MSI2: variants seen among roughly 807,000 people sequenced by gnomAD.
MSI2 encodes the protein musashi RNA binding protein 2.
In MSI2, 17 loss-of-function variants were observed where a neutral mutation model predicts 45.6. The ratio of observed to expected loss-of-function variants is 0.37; its 90% confidence interval spans 0.26 to 0.56. The LOEUF (loss-of-function observed/expected upper bound fraction) is 0.56. Among genes scored for constraint, MSI2 ranks in the 20% least tolerant of loss-of-function variants. The pLI is 0.77. For synonymous variants in MSI2, 156 were observed against 158.2 expected, an observed-to-expected ratio of 0.99 and a Z score of 0.11; for missense variants, 293 against 444.2, an observed-to-expected ratio of 0.66 and a Z score of 3.06.
At chr17:57,359,425 CTTCTGTAA>C (rs1916671745) in intron 5 of MSI2, among the ~76,000 whole-genome samples, 1 of 152,174 alleles carries the variant, frequency 6.6e-6, no homozygotes, top group East Asian at 1.9e-4. Context: ...CAGTTACCAA[CTTCTGTAA>C]TTCTGTAATT....
intron 10 of MSI2, chr17:57,631,404 A>G (rs1402546260): frequency 5.8e-6 from 1 of 173,826 alleles, no homozygotes; most frequent in East Asian, 1.6e-4. Flanking sequence ...TGCAGATATC[A>G]CTCTTAGTAG....
intron 9 of MSI2, among the ~76,000 whole-genome samples, chr17:57,624,241 C>A (rs1908583402): frequency 6.6e-6 from 1 of 152,138 alleles, no homozygotes; most frequent in Non-Finnish European, 1.5e-5. Flanking sequence ...ATATTTAAGA[C>A]CCCCAGCTCT....
intron 5 of MSI2, among the ~76,000 whole-genome samples, chr17:57,353,781 C>T (rs1916216597): frequency 6.6e-6 from 1 of 152,132 alleles, no homozygotes. Context: ...AATTTTGGTC[C>T]TGGATGGTGC....
intron 6 of MSI2, among the ~76,000 whole-genome samples, chr17:57,512,590 C>T (rs1484636190): frequency 6.6e-6 from 1 of 152,218 alleles, no homozygotes; most frequent in African/African-American, 2.4e-5. Context: ...TTAGTTAAGA[C>T]TTGGCTGTAA....
At chr17:57,666,918 CA>C (rs1376190307) in intron 11 of MSI2, among the ~76,000 whole-genome samples, 7 of 152,216 alleles carry the variant, frequency 4.6e-5, no homozygotes, top group Non-Finnish European at 1.0e-4. Flanking sequence ...AAGCAAGGGA[CA>C]TTTTCAGGAC....
intron 6 of MSI2, among the ~76,000 whole-genome samples, chr17:57,421,471 T>C (rs1010687303): frequency 6.6e-6 from 1 of 152,152 alleles, no homozygotes; most frequent in Non-Finnish European, 1.5e-5. Context: ...GGCCTGGGAA[T>C]GTAGAACCTT....
intron 6 of MSI2, among the ~76,000 whole-genome samples, chr17:57,511,851 A>G (rs913758433): frequency 1.3e-5 from 2 of 152,180 alleles, no homozygotes; most frequent in African/African-American, 4.8e-5. Flanking sequence ...GCCATTCCGC[A>G]GCTCACACAG....
At position 57,256,610 on chromosome 17, in the gene MSI2, G is replaced by A. The variant is rs1488127968; in HGVS notation, c.-133G>A. 2 of 434,586 alleles carry A rather than the reference G, an allele frequency of 4.6e-6. No individual in the cohort carries two copies. Among genetic ancestry groups the A allele is most frequent in the Non-Finnish European group, 7.9e-6 (2 of 253,886 alleles). The allele number at this position is 434,586 out of a possible 1,614,324, so 26.9% of individuals were successfully genotyped here. A position where few individuals can be genotyped will look rare whatever the true frequency, so the allele number is the denominator to read the frequency against. The stretch of plus-strand genomic sequence containing the variant: ...GCTCCGCCGCTCGCAGAGAGATTCG[G>A]AGGAGCCCGGGCGGGGGGGAGGAGG... On this transcript the variant is annotated 5_prime_UTR_variant, in exon 1 of 14. Coordinates refer to ENST00000284073, the MANE Select transcript of MSI2 (RefSeq NM_138962.4).
chr17:57,564,323 G>C (rs923705407), intron 7 of MSI2, among the ~76,000 whole-genome samples: 4 of 152,214 alleles, frequency 2.6e-5, no homozygotes, highest in African/African-American at 9.6e-5. Context: ...ACAATGGTAT[G>C]GCCGTGGCTT....
chr17:57,314,983 G>T (rs1270314955), intron 5 of MSI2, among the ~76,000 whole-genome samples: 2 of 152,174 alleles, frequency 1.3e-5, no homozygotes, highest in Non-Finnish European at 2.9e-5. Flanking sequence ...ATCATCAAGC[G>T]GAGGGATGCT....
intron 7 of MSI2, among the ~76,000 whole-genome samples, chr17:57,539,845 A>C (rs1301389952): frequency 3.3e-5 from 5 of 152,196 alleles, no homozygotes; most frequent in African/African-American, 9.7e-5. Flanking sequence ...TCGTAATTCA[A>C]GTTTAAAAAA....
intron 11 of MSI2, among the ~76,000 whole-genome samples, chr17:57,665,174 C>T (rs1049813356): frequency 2.6e-5 from 4 of 152,188 alleles, no homozygotes; most frequent in Non-Finnish European, 4.4e-5. Flanking sequence ...GTCAGGAAGG[C>T]CACCCTCCAG....
At chr17:57,613,256 C>G (rs1907343843) in intron 8 of MSI2, among the ~76,000 whole-genome samples, 1 of 152,096 alleles carries the variant, frequency 6.6e-6, no homozygotes, top group Admixed American at 6.5e-5. Context: ...AGTATTTTTC[C>G]CTATATGATA....
At chr17:57,423,576 C>G (rs1199056500) in intron 6 of MSI2, among the ~76,000 whole-genome samples, 2 of 152,212 alleles carry the variant, frequency 1.3e-5, no homozygotes. Context: ...TCCTTCTGTT[C>G]TGAGCTACAT....
At chr17:57,629,493 AC>A (rs1909143944) in intron 10 of MSI2, 1 of 152,248 alleles carries the variant, frequency 6.6e-6, no homozygotes, top group East Asian at 1.9e-4. Context: ...AACACTGGCC[AC>A]ATTTCAGTGA....
At chr17:57,667,448 C>G (rs1490816089) in intron 11 of MSI2, among the ~76,000 whole-genome samples, 7 of 152,142 alleles carry the variant, frequency 4.6e-5, no homozygotes, top group Non-Finnish European at 8.8e-5. Flanking sequence ...GTTTGAGACT[C>G]GAAGCCTGGT....
intron 5 of MSI2, among the ~76,000 whole-genome samples, chr17:57,322,880 C>T (rs990966019): frequency 1.3e-4 from 20 of 152,138 alleles, no homozygotes; most frequent in South Asian, 4.2e-4. Flanking sequence ...CTGGGGGGTT[C>T]CCAGGTGAAA....
intron 5 of MSI2, among the ~76,000 whole-genome samples, chr17:57,262,602 C>T (rs1907423360): frequency 6.6e-6 from 1 of 152,108 alleles, no homozygotes; most frequent in Non-Finnish European, 1.5e-5. Flanking sequence ...GACTAAACAG[C>T]TGATCCTTTC....
intron 10 of MSI2, chr17:57,631,545 A>T (rs1909372605): frequency 2.0e-6 from 1 of 500,562 alleles, no homozygotes; most frequent in Non-Finnish European, 3.5e-6. Flanking sequence ...AAGGCTAGAC[A>T]CTGGATAGTT....
Sources: gnomAD v4.1 joint callset for allele counts (sites outside exome capture counted in the v4.1 genomes callset) on GRCh38, gnomAD v4.1.1 for gene constraint, MANE v1.5 for transcripts, NCBI Gene and HGNC (gene_info 2026-07-23, HGNC 2026-07-21) for gene names.